The following ARHGAP26 variants were observed in gnomAD, a reference collection of about 807,000 sequenced individuals.
ARHGAP26 encodes rho GTPase-activating protein 26.
Under a neutral mutation model 104.8 loss-of-function variants are expected in ARHGAP26, and 38 were observed. The observed-to-expected ratio is 0.36, with a 90% CI of 0.28 to 0.48. The LOEUF is 0.48. Ranked by LOEUF, ARHGAP26 falls within the 20% of genes least tolerant of loss-of-function variation. ARHGAP26 has a pLI of 0.99. For missense variants in ARHGAP26, 704 were observed against 947.9 expected, an observed-to-expected ratio of 0.74 and a Z score of 3.38; for synonymous variants, 341 against 340.0, an observed-to-expected ratio of 1.00 and a Z score of -0.03.
intron 3 of ARHGAP26, among the ~76,000 whole-genome samples, 176 bp from the exon 4 acceptor site, chr5:142,879,198 A>G (rs1167493178): frequency 6.6e-6 from 1 of 152,194 alleles, no homozygotes; most frequent in Non-Finnish European, 1.5e-5. Flanking sequence ...TGAAATGATG[A>G]CAGTTTTGAT....
At chr5:142,813,231 A>G (rs1764472172) in intron 1 of ARHGAP26, among the ~76,000 whole-genome samples, 1 of 152,146 alleles carries the variant, frequency 6.6e-6, no homozygotes, top group Non-Finnish European at 1.5e-5. Flanking sequence ...GTGAGCCACC[A>G]AATTCTATAT....
chr5:142,780,636 C>T (rs901082000), intron 1 of ARHGAP26, among the ~76,000 whole-genome samples: 3 of 152,184 alleles, frequency 2.0e-5, no homozygotes, highest in Non-Finnish European at 2.9e-5. Context: ...GACAGCTGTA[C>T]CTAGAAATCA....
At chr5:143,037,506 C>G (rs946523084) in intron 13 of ARHGAP26, among the ~76,000 whole-genome samples, 2 of 152,082 alleles carry the variant, frequency 1.3e-5, no homozygotes, top group Admixed American at 1.3e-4. Context: ...TTATAGAAAC[C>G]AGTTACTGAA....
intron 20 of ARHGAP26, among the ~76,000 whole-genome samples, chr5:143,150,532 A>C (rs887571302): frequency 4.6e-5 from 7 of 152,228 alleles, no homozygotes; most frequent in African/African-American, 1.7e-4. Flanking sequence ...CATTCCAGGT[A>C]AGAAGGATGA....
At chr5:143,101,407 G>A (rs906177263) in intron 17 of ARHGAP26, among the ~76,000 whole-genome samples, 22 of 152,072 alleles carry the variant, frequency 1.4e-4, no homozygotes, top group Non-Finnish European at 2.1e-4. Flanking sequence ...CAGGGAGTGG[G>A]CCTTAAATGT....
At chr5:143,213,429 G>T (rs1363088504) in intron 21 of ARHGAP26, among the ~76,000 whole-genome samples, 1 of 152,012 alleles carries the variant, frequency 6.6e-6, no homozygotes, top group Non-Finnish European at 1.5e-5. Context: ...TCCCCTGGGG[G>T]TTGGAGAGCT....
intron 17 of ARHGAP26, among the ~76,000 whole-genome samples, chr5:143,092,098 AC>A (rs1598971264): frequency 6.6e-6 from 1 of 150,588 alleles, no homozygotes; most frequent in East Asian, 1.9e-4. Context: ...TTTTTTCATG[AC>A]TTTTACAGAC....
intron 18 of ARHGAP26, among the ~76,000 whole-genome samples, chr5:143,124,705 C>T (rs1170663906): frequency 3.9e-5 from 6 of 152,222 alleles, no homozygotes; most frequent in African/African-American, 1.4e-4. Flanking sequence ...CTGTCACATT[C>T]TGTTGGCCAA....
intron 20 of ARHGAP26, among the ~76,000 whole-genome samples, chr5:143,148,552 A>G (rs1039938352): frequency 6.6e-6 from 1 of 152,216 alleles, no homozygotes. Context: ...AATCATACTG[A>G]TGTTCAGGAA....
chr5:142,797,376 G>A (rs1303228594), intron 1 of ARHGAP26, among the ~76,000 whole-genome samples: 3 of 152,164 alleles, frequency 2.0e-5, no homozygotes, highest in African/African-American at 7.2e-5. Context: ...AAGTAGTTTT[G>A]TTCATTTTTC....
intron 20 of ARHGAP26, among the ~76,000 whole-genome samples, chr5:143,172,136 C>T (rs1802865829): frequency 3.3e-5 from 5 of 152,126 alleles, no homozygotes; most frequent in Non-Finnish European, 5.9e-5. Flanking sequence ...TAAGTGCAGG[C>T]ATTTGTTTGT....
intron 17 of ARHGAP26, among the ~76,000 whole-genome samples, chr5:143,107,147 T>C (rs1247121957): frequency 2.0e-5 from 3 of 152,050 alleles, no homozygotes. Context: ...ATCTCATAGG[T>C]GTTCAGTCGG....
chr5:143,089,808 T>G (rs560322123), intron 17 of ARHGAP26, among the ~76,000 whole-genome samples: 25 of 152,238 alleles, frequency 1.6e-4, no homozygotes, highest in Non-Finnish European at 3.1e-4. Flanking sequence ...GGACTCTAAT[T>G]GTGTCTAAAT....
intron 17 of ARHGAP26, among the ~76,000 whole-genome samples, chr5:143,075,075 G>C (rs1003287439): frequency 4.6e-5 from 7 of 152,194 alleles, no homozygotes; most frequent in Admixed American, 3.3e-4. Flanking sequence ...GCAAAGGCTA[G>C]ATAGCCTAAA....
intron 1 of ARHGAP26, among the ~76,000 whole-genome samples, chr5:142,836,409 T>C (rs1468430214): frequency 6.6e-6 from 1 of 152,232 alleles, no homozygotes; most frequent in Non-Finnish European, 1.5e-5. Flanking sequence ...CAAGATACTC[T>C]GTAAGGCAGG....
At chr5:143,058,220 A>G (rs1786146453) in intron 17 of ARHGAP26, 1 of 373,502 alleles carries the variant, frequency 2.7e-6, no homozygotes, top group Admixed American at 4.4e-5. Context: ...TGAACTTTCT[A>G]TTCCTTAGTT....
chr5:142,976,287 CACCTCTCTAAAGG>C (rs1455372712), intron 11 of ARHGAP26, among the ~76,000 whole-genome samples: 1 of 152,172 alleles, frequency 6.6e-6, no homozygotes, highest in Admixed American at 6.5e-5. Context: ...ATTTAGAAAG[CACCTCTCTAAAGG>C]AAATTAAGTT....
chr5:143,044,154 CA>C, intron 14 of ARHGAP26, among the ~76,000 whole-genome samples: 1 of 151,712 alleles, frequency 6.6e-6, no homozygotes, highest in East Asian at 1.9e-4. Context: ...CTTTTGCACA[CA>C]AAAGTGTCAA....
intron 4 of ARHGAP26, among the ~76,000 whole-genome samples, chr5:142,884,961 C>T (rs1404047400): frequency 6.6e-6 from 1 of 152,224 alleles, no homozygotes; most frequent in Non-Finnish European, 1.5e-5. Context: ...TCCCCAGCCC[C>T]CAACCCCTGG....
Sources: gnomAD v4.1 joint callset for allele counts (sites outside exome capture counted in the v4.1 genomes callset) on GRCh38, gnomAD v4.1.1 for gene constraint, MANE v1.5 for transcripts, NCBI Gene and HGNC (gene_info 2026-07-23, HGNC 2026-07-21) for gene names.